Variants in PIK3C2A observed in about 807,000 individuals in gnomAD.
The protein encoded by PIK3C2A is phosphatidylinositol 4-phosphate 3-kinase C2 domain-containing subunit alpha.
A neutral mutation model predicts 204.5 loss-of-function variants in PIK3C2A; 97 were observed. That is an observed-to-expected ratio of 0.47 (90% CI 0.40 to 0.56). PIK3C2A has a LOEUF of 0.56. PIK3C2A is among the 20% of genes least tolerant of loss of function. The pLI is 0.00. For synonymous variants in PIK3C2A, 653 were observed against 664.4 expected, an observed-to-expected ratio of 0.98 and a Z score of 0.26; for missense variants, 1,735 against 1,969.2, an observed-to-expected ratio of 0.88 and a Z score of 2.25.
chr11:17,198,666 T>C (rs1256331474), intron 1 of PIK3C2A, among the ~76,000 whole-genome samples: 1 of 152,134 alleles, frequency 6.6e-6, no homozygotes, highest in Non-Finnish European at 1.5e-5. Context: ...GTGGCATGCA[T>C]CTGTACTCCC....
chr11:17,137,300 C>G (rs1849903941), intron 8 of PIK3C2A, among the ~76,000 whole-genome samples: 1 of 152,092 alleles, frequency 6.6e-6, no homozygotes. Context: ...AGCCTGTTTT[C>G]TAGCTCCTCA....
chr11:17,103,766 T>C (rs1347678478), intron 23 of PIK3C2A, among the ~76,000 whole-genome samples: 1 of 152,194 alleles, frequency 6.6e-6, no homozygotes, highest in Non-Finnish European at 1.5e-5. Flanking sequence ...AGAGTGAGGA[T>C]TCAAATCCAG....
chr11:17,102,308 G>A (rs1848662673), intron 24 of PIK3C2A, among the ~76,000 whole-genome samples: 1 of 152,094 alleles, frequency 6.6e-6, no homozygotes. Context: ...GTGGTGGCGG[G>A]CGCCTGTAGT....
chr11:17,140,056 C>A (rs1850009596), intron 8 of PIK3C2A, among the ~76,000 whole-genome samples: 1 of 152,198 alleles, frequency 6.6e-6, no homozygotes, highest in Non-Finnish European at 1.5e-5. Flanking sequence ...ATCCTGACTT[C>A]ATTTTAGCAA....
In PIK3C2A at chr11:17,129,531, T is replaced by A. The variant is rs1849631961; in HGVS notation, c.2232-64A>T. Reference sequence around the variant, plus strand: ...TGAATGATTTTGAAATTTAACACTTTAATGAGACTGACAATTTTAGGTATT... The same window carrying A: ...TGAATGATTTTGAAATTTAACACTTAAATGAGACTGACAATTTTAGGTATT... On this transcript the variant is annotated intron_variant, in intron 12 of 32. Coordinates refer to ENST00000691414, the MANE Select transcript of PIK3C2A (RefSeq NM_002645.4). The A allele has an allele frequency of 6.3e-6, 6 of 948,398 alleles. No individual in the cohort carries two copies. The South Asian group carries it at 9.0e-5, about 14-fold the overall frequency. The allele number at this position is 948,398 out of a possible 1,614,324, so 58.7% of individuals were successfully genotyped here.
At chr11:17,131,875 AG>A (rs1161536854) in intron 12 of PIK3C2A, 40 bp downstream of exon 12, 3 of 1,552,726 alleles carry the variant, frequency 1.9e-6, no homozygotes, top group African/African-American at 2.8e-5. Flanking sequence ...AGTAAACAAC[AG>A]GACACACTGA....
At chr11:17,154,067 T>A (rs893911625) in intron 3 of PIK3C2A, among the ~76,000 whole-genome samples, 8 of 152,196 alleles carry the variant, frequency 5.3e-5, no homozygotes, top group African/African-American at 1.9e-4. Context: ...CAGTTTCGTA[T>A]CACATTTAAG....
At chr11:17,205,473 CAAAAAAAAAA>C (rs755518412) in intron 1 of PIK3C2A, among the ~76,000 whole-genome samples, 4 of 25,366 alleles carry the variant, frequency 1.6e-4, no homozygotes, top group African/African-American at 2.3e-4. Flanking sequence ...GACTCCATCT[CAAAAAAAAAA>C]AAAAAAAAAA....
At chr11:17,171,140 T>A (rs558928724) in intron 1 of PIK3C2A, among the ~76,000 whole-genome samples, 1 of 152,258 alleles carries the variant, frequency 6.6e-6, no homozygotes, top group African/African-American at 2.4e-5. Context: ...CTTGGGCAAA[T>A]GAAAACTTTT....
At chr11:17,129,617 G>A (rs552059401) in intron 12 of PIK3C2A, 150 bp from the exon 13 acceptor site, 6 of 607,158 alleles carry the variant, frequency 9.9e-6, no homozygotes, top group African/African-American at 5.6e-5. Context: ...TTGAGAAGGC[G>A]TTTTTGCTCT....
chr11:17,116,829 T>C (rs1565252167), intron 19 of PIK3C2A, among the ~76,000 whole-genome samples: 1 of 152,170 alleles, frequency 6.6e-6, no homozygotes, highest in Non-Finnish European at 1.5e-5. Flanking sequence ...GACCTCGTGA[T>C]CTGCCCGCCT....
chr11:17,178,431 G>C (rs982535024), intron 1 of PIK3C2A, among the ~76,000 whole-genome samples: 18 of 151,976 alleles, frequency 1.2e-4, no homozygotes, highest in Non-Finnish European at 2.4e-4. Flanking sequence ...TGGGTGGTAA[G>C]GAAAAATTTA....
chr11:17,164,415 C>A (rs577305395), intron 2 of PIK3C2A, among the ~76,000 whole-genome samples: 176 of 150,912 alleles, frequency 1.2e-3, no homozygotes, highest in African/African-American at 4.2e-3. Context: ...TTAGGATATA[C>A]TCAAACAAAA....
Position 17,086,655 on chromosome 11 carries a change from A to G in PIK3C2A, c.*3083T>C, listed in dbSNP as rs990779600. 6.6e-6 allele frequency: 1 copy of G among 152,248 alleles called. No individual in the cohort carries two copies. Among genetic ancestry groups the G allele is most frequent in the African/African-American group, 2.4e-5 (1 of 41,468 alleles). The allele number at this position is 152,248 out of a possible 1,614,324, so 9.4% of individuals were successfully genotyped here. A position where few individuals can be genotyped will look rare whatever the true frequency, so the allele number is the denominator to read the frequency against. On this transcript the variant is annotated 3_prime_UTR_variant, in exon 33 of 33. Transcript: ENST00000691414. ...ATCCACTGAATATATTCAAGGTATT[A>G]ATAAAAATATTATACATCTTTATTC...
chr11:17,188,890 A>G (rs972030456), intron 1 of PIK3C2A, among the ~76,000 whole-genome samples: 2 of 146,948 alleles, frequency 1.4e-5, no homozygotes, highest in African/African-American at 2.7e-5. Flanking sequence ...AAAGCTCTCC[A>G]CGGCATTCCA....
Position 17,089,395 on chromosome 11 carries a change from C to T in PIK3C2A, c.*343G>A. On this transcript the variant is annotated 3_prime_UTR_variant, in exon 33 of 33. Transcript: ENST00000691414. Reference sequence around the variant, plus strand: ...ATAACAGGAAAACACATATGCTTTGCCTCCTTATAGAAAACAATGCAAAAT... The same window carrying T: ...ATAACAGGAAAACACATATGCTTTGTCTCCTTATAGAAAACAATGCAAAAT... The T allele has an allele frequency of 5.7e-6, 1 of 174,138 alleles. No individual in the cohort carries two copies. Among genetic ancestry groups the T allele is most frequent in the Non-Finnish European group, 1.2e-5 (1 of 82,634 alleles). 10.8% of individuals were successfully genotyped at this position (174,138 alleles called of 1,614,324 possible). A position where few individuals can be genotyped will look rare whatever the true frequency, so the allele number is the denominator to read the frequency against.
chr11:17,143,067 G>C (rs1850118128), intron 8 of PIK3C2A, among the ~76,000 whole-genome samples: 1 of 151,632 alleles, frequency 6.6e-6, no homozygotes, highest in Non-Finnish European at 1.5e-5. Flanking sequence ...TGATTTCCAA[G>C]TTTATTATCT....
rs911115844 is a variant in PIK3C2A, at chr11:17,150,630, T to C, written c.1195A>G (p.Asn399Asp). 1.9e-6 allele frequency: 3 copies of C among 1,602,078 alleles called. No homozygotes were observed. The highest frequency in any genetic ancestry group is 2.6e-6 in the Non-Finnish European group (3 of 1,175,858). Residue 399 changes from asparagine to aspartate, a missense_variant, in exon 4 of 33, where the codon AAT becomes GAT. Transcript: ENST00000691414. ...AAATAGCCTGGGTTTGTGCGGTGATTGGTATATGGAAATTTGGTCTTCAAT... is the reference window on the plus strand; with the variant it reads ...AAATAGCCTGGGTTTGTGCGGTGATCGGTATATGGAAATTTGGTCTTCAAT... ...TKLKTKFPYT[N>D]HRTNPGYLLS...
chr11:17,142,429 A>C (rs553847822), intron 8 of PIK3C2A, among the ~76,000 whole-genome samples: 2 of 152,336 alleles, frequency 1.3e-5, no homozygotes, highest in East Asian at 3.9e-4. Flanking sequence ...AATGGAAATA[A>C]GGAAAGCAGA....
Sources: gnomAD v4.1 joint callset for allele counts (sites outside exome capture counted in the v4.1 genomes callset) on GRCh38, gnomAD v4.1.1 for gene constraint, MANE v1.5 for transcripts, NCBI Gene and HGNC (gene_info 2026-07-23, HGNC 2026-07-21) for gene names.